ADA2: variants seen among roughly 807,000 people sequenced by gnomAD.
ADA2 encodes adenosine deaminase 2.
A neutral mutation model predicts 44.2 loss-of-function variants in ADA2; 29 were observed. That is an observed-to-expected ratio of 0.66 (90% CI 0.49 to 0.89). The LOEUF is 0.89. Ranked by LOEUF, ADA2 falls within the 40% of genes least tolerant of loss-of-function variation. ADA2 has a pLI of 0.00. For synonymous variants in ADA2, 215 were observed against 234.9 expected, an observed-to-expected ratio of 0.92 and a Z score of 0.77; for missense variants, 637 against 644.8, an observed-to-expected ratio of 0.99 and a Z score of 0.13.
rs1213922318 is a variant in ADA2 at position 17,208,435 on chromosome 22, GA to G, written c.322+920del. Among the ~76,000 whole-genome samples, 615 of 78,006 alleles carry G rather than the reference GA, an allele frequency of 7.9e-3. 4 individuals are homozygous for G. The highest frequency in any genetic ancestry group is 0.014 in the Non-Finnish European group (493 of 34,872). The allele number at this position is 78,006 out of a possible 152,430, so 51.2% of individuals were successfully genotyped here. Reference sequence around the variant, plus strand: ...CAAGACTCCGTCTCAAAAAAAAAAAGAAAAAAAAAGAAAAAAAAAAAACAGG... The same window carrying G: ...CAAGACTCCGTCTCAAAAAAAAAAAGAAAAAAAAGAAAAAAAAAAAACAGG... On this transcript the variant is annotated intron_variant, in intron 2 of 9. Coordinates refer to ENST00000399837, the MANE Select transcript of ADA2 (RefSeq NM_001282225.2).
chr22:17,205,582 C>T (rs2062345400), intron 3 of ADA2, among the ~76,000 whole-genome samples: 1 of 152,194 alleles, frequency 6.6e-6, no homozygotes, highest in Admixed American at 6.5e-5. Context: ...AGCTAATTAA[C>T]CTTGCTCAGC....
chr22:17,196,534 C>T (rs1407524408), intron 4 of ADA2, among the ~76,000 whole-genome samples: 2 of 152,204 alleles, frequency 1.3e-5, no homozygotes, highest in South Asian at 4.1e-4. Context: ...CCAGCTGGTT[C>T]ACAGCAGGGA....
chr22:17,215,503 G>A (rs1017580272), intron 1 of ADA2, among the ~76,000 whole-genome samples: 8 of 152,022 alleles, frequency 5.3e-5, no homozygotes, highest in Non-Finnish European at 1.2e-4. Flanking sequence ...CTACTCAGGA[G>A]GCTGAGGCAG....
Position 17,181,555 on chromosome 22 carries a change from ACTCT to A in ADA2, c.1460_1463del (p.Glu487ValfsTer18). On this transcript the variant is annotated frameshift_variant, in exon 10 of 10. Transcript: ENST00000399837. LOFTEE classifies it low-confidence loss of function (END_TRUNC). ...AGATTTCCATGAAAGTATTTTTCTCACTCTCCAACAGGGTACTGTACCTGCAGGA... is the reference window on the plus strand; with the variant it reads ...AGATTTCCATGAAAGTATTTTTCTCACCAACAGGGTACTGTACCTGCAGGA... 3 of 1,612,142 alleles carry A rather than the reference ACTCT, an allele frequency of 1.9e-6. No homozygotes were observed. Among genetic ancestry groups the A allele is most frequent in the Non-Finnish European group, 2.5e-6 (3 of 1,178,644 alleles).
chr22:17,190,123 C>T (rs2123644994), intron 5 of ADA2, 91 bp from the exon 6 acceptor site: 1 of 1,043,034 alleles, frequency 9.6e-7, no homozygotes, highest in Non-Finnish European at 1.5e-6. Flanking sequence ...GCTGGGCCAG[C>T]CCCAAGTGTG....
At chr22:17,199,185 G>A (rs1188224940) in intron 4 of ADA2, among the ~76,000 whole-genome samples, 3 of 152,116 alleles carry the variant, frequency 2.0e-5, no homozygotes, top group Admixed American at 1.3e-4. Context: ...TTGGCTGGGG[G>A]ACGGGCGGAG....
At chr22:17,214,204 C>T in intron 1 of ADA2, 1 of 561,638 alleles carries the variant, frequency 1.8e-6, no homozygotes, top group Admixed American at 2.7e-5. Context: ...GGCAAAAGGC[C>T]ATGCTGGGGT....
chr22:17,181,846 G>A lies in ADA2; in HGVS notation c.1416C>T (p.Leu472=), dbSNP rs2061972531. The change falls in exon 9 of 10, where the codon CTC becomes CTT. Residue 472 remains leucine (L), a synonymous_variant. Transcript: ENST00000399837. ...IGGMKADLRT[L]KQLAMNSIKY... is the part of the protein sequence containing the mutation. ...TGATAGAGTTCATGGCCAGCTGTTTGAGGGTCCTCAGGTCAGCCTTCATCC... is the reference window on the plus strand; with the variant it reads ...TGATAGAGTTCATGGCCAGCTGTTTAAGGGTCCTCAGGTCAGCCTTCATCC... The A allele has an allele frequency of 6.2e-7, 1 of 1,613,812 alleles. No homozygotes were observed. The highest frequency in any genetic ancestry group is 1.3e-5 in the African/African-American group (1 of 74,940).
intron 5 of ADA2, among the ~76,000 whole-genome samples, chr22:17,191,066 G>A (rs535212857): frequency 2.0e-5 from 3 of 152,224 alleles, no homozygotes; most frequent in African/African-American, 7.2e-5. Flanking sequence ...TTGCAGCTGC[G>A]ACCATGGACA....
intron 4 of ADA2, among the ~76,000 whole-genome samples, chr22:17,197,979 G>T (rs541731743): frequency 3.3e-5 from 5 of 151,732 alleles, no homozygotes; most frequent in Non-Finnish European, 7.4e-5. Flanking sequence ...CGGAGGTTGC[G>T]GTGAGCCAAG....
intron 1 of ADA2, among the ~76,000 whole-genome samples, chr22:17,216,138 T>G (rs1022323301): frequency 3.3e-5 from 5 of 151,536 alleles, no homozygotes; most frequent in Non-Finnish European, 5.9e-5. Context: ...AGTGAGCCGA[T>G]ATCGCACCAC....
chr22:17,206,927 T>C, intron 3 of ADA2, 144 bp downstream of exon 3: 1 of 634,904 alleles, frequency 1.6e-6, no homozygotes, highest in Non-Finnish European at 2.8e-6. Flanking sequence ...GTGCTGGGAT[T>C]ATAGGCGTGA....
rs755786336 is a variant in ADA2, at chr22:17,207,254, G to A, written c.359C>T (p.Thr120Ile). The A allele has an allele frequency of 5.4e-5, 87 of 1,611,508 alleles. No individual in the cohort carries two copies. Among genetic ancestry groups the A allele is most frequent in the Middle Eastern group, 1.7e-4 (1 of 5,912 alleles). The part of the protein sequence containing the change: ...ALHLHDIGIV[T>I]MDWLVRNVTY... ...GACATTCCTCACCAGCCAGTCCATA[G>A]TCACGATGCCAATGTCATGGAGGTG... Residue 120 changes from threonine to isoleucine, a missense_variant, in exon 3 of 10, where the codon ACT (threonine) becomes ATT (isoleucine). Physicochemically the swap from Thr to Ile is moderately conservative, Grantham distance 89. Transcript: ENST00000399837.
chr22:17,210,192 ATTT>A (rs35411316), intron 1 of ADA2, among the ~76,000 whole-genome samples: 2 of 134,732 alleles, frequency 1.5e-5, no homozygotes, highest in Non-Finnish European at 1.6e-5. Flanking sequence ...ACCACCTGGC[ATTT>A]TTTTTTTTTT....
chr22:17,218,021 T>A lies in ADA2; in HGVS notation c.-47+1335A>T, dbSNP rs73385982. Among the ~76,000 whole-genome samples the A allele has an allele frequency of 7.6e-3, 1,162 of 152,254 alleles. 22 individuals are homozygous for A. The highest frequency in any genetic ancestry group is 0.027 in the African/African-American group (1,120 of 41,548). ...GTCCTCACCTACAAAAAAGGTAACT[T>A]GGACAAGATCAGTGGTTTTCCAAGT... On this transcript the variant is annotated intron_variant, in intron 1 of 9. Transcript: ENST00000399837.
chr22:17,197,865 C>G (rs1397029595), intron 4 of ADA2, among the ~76,000 whole-genome samples: 1 of 151,992 alleles, frequency 6.6e-6, no homozygotes, highest in African/African-American at 2.4e-5. Context: ...ATGGAGAAAC[C>G]CCGTCTCTAC....
Position 17,207,308 on chromosome 22 carries a change from A to G in ADA2, c.323-18T>C, listed in dbSNP as rs1310581954. 6.3e-7 allele frequency: 1 copy of G among 1,579,134 alleles called. No individual in the cohort carries two copies. The highest frequency in any genetic ancestry group is 8.7e-7 in the Non-Finnish European group (1 of 1,151,564). On this transcript the variant is annotated intron_variant, in intron 2 of 9. Transcript: ENST00000399837. ...GGCAGCCCCTGGAGAGGGAAGAAGA[A>G]TGGTGAAGACAAAGGGGTGAAGTCC...
rs1179314141 is a variant in ADA2, at chr22:17,180,263, C to T, written c.*1220G>A. 2 of 152,322 alleles carry T rather than the reference C, an allele frequency of 1.3e-5. No individual in the cohort carries two copies. Among genetic ancestry groups the T allele is most frequent in the Non-Finnish European group, 2.9e-5 (2 of 68,104 alleles). 9.4% of individuals were successfully genotyped at this position (152,322 alleles called of 1,614,324 possible). On this transcript the variant is annotated 3_prime_UTR_variant, in exon 10 of 10. Transcript: ENST00000399837. ...TCAGGCAGGAGTATGGTAGCTTGGA[C>T]TTGGCAACAGCGTGCAGGTAGAGCA...
intron 4 of ADA2, 100 bp from the exon 5 acceptor site, chr22:17,191,910 G>A (rs1468760725): frequency 9.1e-7 from 1 of 1,100,854 alleles, no homozygotes; most frequent in South Asian, 1.8e-5. Flanking sequence ...AGCCACCCCT[G>A]CCCAACCACC....
Sources: allele counts gnomAD v4.1 joint callset (sites outside exome capture counted in the v4.1 genomes callset), GRCh38; gene constraint gnomAD v4.1.1; transcripts MANE v1.5; gene names NCBI Gene and HGNC (gene_info 2026-07-23, HGNC 2026-07-21).